The following ZNF383 variants were observed in gnomAD, a reference collection of about 807,000 sequenced individuals.
ZNF383 encodes zinc finger protein 383.
In ZNF383, 32 loss-of-function variants were observed where a neutral mutation model predicts 44.2. The observed-to-expected ratio is 0.72, with a 90% confidence interval of 0.55 to 0.97. The LOEUF is 0.97. ZNF383 is among the 50% of genes least tolerant of loss of function. The pLI is 0.00. For synonymous variants in ZNF383, 155 were observed against 186.2 expected (o/e 0.83, Z 1.36); for missense variants, 487 against 562.5 (o/e 0.87, Z 1.36).
intron 3 of ZNF383, 103 bp downstream of exon 3, chr19:37,230,565 T>A: frequency 7.7e-7 from 1 of 1,300,732 alleles, no homozygotes; most frequent in Non-Finnish European, 1.1e-6. Context: ...CTAACAGAGT[T>A]CCCCTTCAGA....
Position 37,245,124 on chromosome 19 carries a change from A to G in ZNF383, c.*1460A>G, listed in dbSNP as rs977959998. On this transcript the variant is annotated 3_prime_UTR_variant, in exon 6 of 6. Coordinates refer to ENST00000684119, the MANE Select transcript of ZNF383 (RefSeq NM_001387601.1). ...TGGCTAACAGTGAAACCCCGTCTCT[A>G]CTTAGCTGGGCGTGGTGGCATGTAC... 6.6e-6 allele frequency: 1 copy of G among 152,030 alleles called. No homozygotes were observed. The highest frequency in any genetic ancestry group is 1.5e-5 in the Non-Finnish European group (1 of 68,064). The allele number at this position is 152,030 out of a possible 1,614,324, so 9.4% of individuals were successfully genotyped here. A position where few individuals can be genotyped will look rare whatever the true frequency, so the allele number is the denominator to read the frequency against.
At position 37,243,717 on chromosome 19, in the gene ZNF383, C is replaced by T; in HGVS notation, c.*53C>T. ...TCATATTTTAAACCAAAAATCATGT[C>T]TAATAGTTACCCTCTTCCGTAGTTT... is the stretch of plus-strand genomic sequence containing the variant. On this transcript the variant is annotated 3_prime_UTR_variant, in exon 6 of 6. Transcript: ENST00000684119. 8.2e-7 allele frequency: 1 copy of T among 1,221,954 alleles called. No individual in the cohort carries two copies. Among genetic ancestry groups the T allele is most frequent in the Non-Finnish European group, 1.1e-6 (1 of 885,580 alleles). 75.7% of individuals were successfully genotyped at this position (1,221,954 alleles called of 1,614,324 possible).
chr19:37,228,795 T>C (rs1300283128), intron 2 of ZNF383, among the ~76,000 whole-genome samples: 1 of 152,130 alleles, frequency 6.6e-6, no homozygotes, highest in East Asian at 1.9e-4. Flanking sequence ...AAGCCACTAA[T>C]ACTAGAACTA....
intron 2 of ZNF383, 25 bp from the exon 3 acceptor site, chr19:37,230,384 A>G (rs914209068): frequency 3.9e-6 from 6 of 1,555,836 alleles, no homozygotes; most frequent in African/African-American, 1.4e-5. Flanking sequence ...CAGTCATGCA[A>G]CCTCAGAACA....
chr19:37,221,032 A>C (rs762912525), intron 1 of ZNF383, among the ~76,000 whole-genome samples: 8 of 152,214 alleles, frequency 5.3e-5, no homozygotes, highest in Non-Finnish European at 1.0e-4. Flanking sequence ...ATGTTTTTAC[A>C]AGTATACCAG....
chr19:37,235,144 G>A (rs1020282084), intron 3 of ZNF383, among the ~76,000 whole-genome samples: 12 of 151,900 alleles, frequency 7.9e-5, no homozygotes, highest in Admixed American at 3.3e-4. Flanking sequence ...GTGGTGGTGC[G>A]TGCCTGTAAT....
intron 1 of ZNF383, among the ~76,000 whole-genome samples, chr19:37,220,817 T>G (rs1307079317): frequency 6.6e-6 from 1 of 152,168 alleles, no homozygotes; most frequent in Non-Finnish European, 1.5e-5. Flanking sequence ...TTTTGTTTTG[T>G]TTTTTACCAC....
chr19:37,240,135 G>A (rs1346823674), intron 5 of ZNF383, among the ~76,000 whole-genome samples: 2 of 148,130 alleles, frequency 1.4e-5, no homozygotes, highest in Admixed American at 1.4e-4. Context: ...CTCCAGCCTG[G>A]CAACAGAGTG....
At chr19:37,221,056 C>G (rs1438679658) in intron 1 of ZNF383, among the ~76,000 whole-genome samples, 1 of 152,130 alleles carries the variant, frequency 6.6e-6, no homozygotes, top group Non-Finnish European at 1.5e-5. Flanking sequence ...ATATGCATAC[C>G]TTTCCAGGAT....
intron 1 of ZNF383, among the ~76,000 whole-genome samples, chr19:37,218,775 CTG>C (rs748148209): frequency 1.3e-5 from 2 of 152,078 alleles, no homozygotes; most frequent in African/African-American, 2.4e-5. Context: ...TTATGTAGCA[CTG>C]TGTCTGCGGT....
chr19:37,230,381 G>A (rs774480873), intron 2 of ZNF383, 28 bp from the exon 3 acceptor site: 1 of 1,535,910 alleles, frequency 6.5e-7, no homozygotes, highest in South Asian at 1.1e-5. Context: ...CCCCAGTCAT[G>A]CAACCTCAGA....
At chr19:37,225,824 C>T (rs1275649045) in intron 2 of ZNF383, among the ~76,000 whole-genome samples, 3 of 148,082 alleles carry the variant, frequency 2.0e-5, no homozygotes, top group Non-Finnish European at 4.5e-5. Flanking sequence ...GAGTCTCGCT[C>T]TTGTCACCAG....
chr19:37,218,820 T>A (rs1394593365), intron 1 of ZNF383, among the ~76,000 whole-genome samples: 2 of 152,016 alleles, frequency 1.3e-5, no homozygotes, highest in East Asian at 3.9e-4. Context: ...CGGGGTGATA[T>A]GTGTGTCCTA....
At chr19:37,237,781 G>A (rs1480050186) in intron 5 of ZNF383, among the ~76,000 whole-genome samples, 6 of 152,058 alleles carry the variant, frequency 3.9e-5, no homozygotes, top group Admixed American at 2.0e-4. Context: ...AAGCCCCTTC[G>A]TAAGAGCACC....
intron 5 of ZNF383, among the ~76,000 whole-genome samples, chr19:37,239,760 A>G (rs1346321860): frequency 6.6e-6 from 1 of 152,184 alleles, no homozygotes; most frequent in African/African-American, 2.4e-5. Flanking sequence ...AGGCTACTTC[A>G]CTGGTCTGGG....
rs200685300 is a variant in ZNF383 at position 37,243,279 on chromosome 19, G to A, written c.1043G>A (p.Ser348Asn). 4 of 1,614,050 alleles carry A rather than the reference G, an allele frequency of 2.5e-6. No homozygotes were observed. Among genetic ancestry groups the A allele is most frequent in the Non-Finnish European group, 2.5e-6 (3 of 1,179,994 alleles). ...TGCAAGGAATGTGGCAAAGCCTTTA[G>A]TAGTGGCTCAGCACTTACTAATCAT... ...YECKECGKAFSSGSALTNHQR... is the reference protein window; with the variant it reads ...YECKECGKAFNSGSALTNHQR... Residue 348 changes from serine to asparagine, a missense_variant, in exon 6 of 6, where the codon AGT (serine) becomes AAT (asparagine). Physicochemically the swap from Ser to Asn is conservative, Grantham distance 46 (BLOSUM62 1). Transcript: ENST00000684119.
chr19:37,243,574 T>C lies in ZNF383; in HGVS notation c.1338T>C (p.Gly446=). Residue 446 remains glycine, a synonymous_variant, in exon 6 of 6, where the codon GGT becomes GGC. Transcript: ENST00000684119. ...NLTRHLRIHT[G]EKPYNCKECG... Reference sequence around the variant, plus strand: ...CTCGACATCTGAGAATTCACACTGGTGAAAAGCCCTATAACTGTAAGGAAT... The same window carrying C: ...CTCGACATCTGAGAATTCACACTGGCGAAAAGCCCTATAACTGTAAGGAAT... 1 of 1,614,066 alleles carries C rather than the reference T, an allele frequency of 6.2e-7. No homozygotes were observed. The highest frequency in any genetic ancestry group is 8.5e-7 in the Non-Finnish European group (1 of 1,179,968).
intron 1 of ZNF383, among the ~76,000 whole-genome samples, chr19:37,222,620 C>T (rs892790358): frequency 2.0e-5 from 3 of 152,148 alleles, no homozygotes; most frequent in Admixed American, 6.6e-5. Context: ...TCAGGTGATC[C>T]GCCCGCCTCG....
Position 37,243,351 on chromosome 19 carries a change from G to A in ZNF383, c.1115G>A (p.Gly372Glu), listed in dbSNP as rs755030310. The A allele has an allele frequency of 1.2e-6, 2 of 1,614,050 alleles. No homozygotes were observed. The highest frequency in any genetic ancestry group is 1.7e-6 in the Non-Finnish European group (2 of 1,180,042). Reference protein sequence around the residue: ...GEKPYDCKECGKAFTQSSQLR... With the variant: ...GEKPYDCKECEKAFTQSSQLR... ...AAACCCTATGATTGTAAGGAATGTG[G>A]AAAGGCTTTTACTCAGAGCTCACAG... The change falls in exon 6 of 6, where the codon GGA (glycine) becomes GAA (glutamate). Residue 372 changes from glycine (G) to glutamate (E), a missense_variant. Gly to Glu is a moderately conservative substitution (Grantham distance 98). Coordinates refer to ENST00000684119, the MANE Select transcript of ZNF383 (RefSeq NM_001387601.1).
Sources: gnomAD v4.1 joint callset for allele counts (sites outside exome capture counted in the v4.1 genomes callset) on GRCh38, gnomAD v4.1.1 for gene constraint, MANE v1.5 for transcripts, NCBI Gene and HGNC (gene_info 2026-07-23, HGNC 2026-07-21) for gene names.